The following TTC28 variants were observed in gnomAD, a reference collection of about 807,000 sequenced individuals.
The protein encoded by TTC28 is tetratricopeptide repeat domain 28.
TTC28 carries 61 observed loss-of-function variants against 198.0 expected under a neutral mutation model. The observed-to-expected ratio is 0.31, with a 90% confidence interval of 0.25 to 0.38. The LOEUF (loss-of-function observed/expected upper bound fraction) is 0.38. Among genes scored for constraint, TTC28 ranks in the 10% least tolerant of loss-of-function variants. TTC28 has a pLI of 1.00. For synonymous variants in TTC28, 1,171 were observed against 1,297.8 expected (o/e 0.90, Z 2.10); for missense variants, 2,678 against 3,164.0 (o/e 0.85, Z 3.69).
chr22:28,580,397 A>T (rs529504323), intron 2 of TTC28, among the ~76,000 whole-genome samples: 78 of 152,094 alleles, frequency 5.1e-4, no homozygotes, highest in Non-Finnish European at 9.6e-4. Flanking sequence ...TTTTAGTTGT[A>T]TTTTTTTAAA....
At chr22:28,034,766 G>A (rs1939268110) in intron 12 of TTC28, among the ~76,000 whole-genome samples, 1 of 152,222 alleles carries the variant, frequency 6.6e-6, no homozygotes, top group Non-Finnish European at 1.5e-5. Flanking sequence ...GAGGGGAGCT[G>A]GAGAGAGGGA....
intron 12 of TTC28, among the ~76,000 whole-genome samples, chr22:28,036,075 A>C (rs1601543124): frequency 6.6e-6 from 1 of 152,216 alleles, no homozygotes; most frequent in African/African-American, 2.4e-5. Flanking sequence ...GATATTAGAC[A>C]GATCAACGAG....
intron 1 of TTC28, among the ~76,000 whole-genome samples, chr22:28,672,546 C>T (rs1013294191): frequency 1.2e-4 from 18 of 152,080 alleles, no homozygotes; most frequent in Non-Finnish European, 2.6e-4. Context: ...ATGATCCACC[C>T]GTCTCGGCCT....
chr22:28,575,197 T>C (rs1410217336), intron 2 of TTC28, among the ~76,000 whole-genome samples: 1 of 152,206 alleles, frequency 6.6e-6, no homozygotes, highest in Non-Finnish European at 1.5e-5. Flanking sequence ...TTTGATTTGG[T>C]TTTTGTGGCA....
chr22:28,525,535 C>T (rs1185012410), intron 2 of TTC28, among the ~76,000 whole-genome samples: 1 of 152,106 alleles, frequency 6.6e-6, no homozygotes, highest in Non-Finnish European at 1.5e-5. Flanking sequence ...AACTAGATGA[C>T]TGAAATTAAG....
At chr22:28,115,488 A>G (rs1210443352) in intron 6 of TTC28, among the ~76,000 whole-genome samples, 1 of 152,218 alleles carries the variant, frequency 6.6e-6, no homozygotes, top group Non-Finnish European at 1.5e-5. Flanking sequence ...TGGCAAACCA[A>G]GCTCTTAGCA....
chr22:28,535,688 T>G (rs576862462), intron 2 of TTC28, among the ~76,000 whole-genome samples: 1 of 152,028 alleles, frequency 6.6e-6, no homozygotes, highest in Non-Finnish European at 1.5e-5. Flanking sequence ...GGGGATGGAC[T>G]TCCCCCTTGC....
At chr22:28,390,601 C>T (rs1334355013) in intron 2 of TTC28, among the ~76,000 whole-genome samples, 1 of 152,122 alleles carries the variant, frequency 6.6e-6, no homozygotes, top group East Asian at 1.9e-4. Context: ...TATGTAATGG[C>T]CTTCTTTGTC....
chr22:28,004,113 A>G (rs981842404), intron 14 of TTC28, among the ~76,000 whole-genome samples: 5 of 152,216 alleles, frequency 3.3e-5, no homozygotes, highest in African/African-American at 1.2e-4. Flanking sequence ...GGGAAAGCCT[A>G]CCCAGGCTGA....
chr22:28,396,786 C>T (rs1309440783), intron 2 of TTC28, among the ~76,000 whole-genome samples: 3 of 152,194 alleles, frequency 2.0e-5, no homozygotes, highest in Non-Finnish European at 2.9e-5. Context: ...ATTTCTCCAA[C>T]CAGACTAAAC....
intron 2 of TTC28, among the ~76,000 whole-genome samples, chr22:28,614,069 T>C (rs1490226188): frequency 6.6e-6 from 1 of 152,204 alleles, no homozygotes; most frequent in Non-Finnish European, 1.5e-5. Context: ...CATAATCTCC[T>C]TAAGCTGATA....
intron 2 of TTC28, among the ~76,000 whole-genome samples, chr22:28,359,837 G>A (rs2046131781): frequency 6.6e-6 from 1 of 152,096 alleles, no homozygotes; most frequent in Non-Finnish European, 1.5e-5. Flanking sequence ...ATACCATTTG[G>A]CCTGGGGATG....
chr22:28,539,234 G>A (rs1354664261), intron 2 of TTC28, among the ~76,000 whole-genome samples: 2 of 152,122 alleles, frequency 1.3e-5, no homozygotes, highest in African/African-American at 2.4e-5. Context: ...GGAAGGCGGG[G>A]GCTGACAGGC....
chr22:28,262,113 T>C (rs1555953293), intron 5 of TTC28, among the ~76,000 whole-genome samples: 1 of 152,042 alleles, frequency 6.6e-6, no homozygotes, highest in Non-Finnish European at 1.5e-5. Flanking sequence ...AGTGACATAA[T>C]AACAAAGAGA....
chr22:28,501,424 GA>G (rs1001103078), intron 2 of TTC28, among the ~76,000 whole-genome samples: 18 of 152,130 alleles, frequency 1.2e-4, no homozygotes, highest in Admixed American at 4.6e-4. Context: ...TTGATGTAGT[GA>G]AAAAAGAATT....
intron 2 of TTC28, among the ~76,000 whole-genome samples, chr22:28,528,264 T>C (rs1455055953): frequency 6.6e-6 from 1 of 152,226 alleles, no homozygotes; most frequent in African/African-American, 2.4e-5. Flanking sequence ...TTTATAATTA[T>C]GATGTAATAT....
At chr22:28,190,991 A>T (rs1281855336) in intron 5 of TTC28, among the ~76,000 whole-genome samples, 1 of 152,138 alleles carries the variant, frequency 6.6e-6, no homozygotes, top group Non-Finnish European at 1.5e-5. Context: ...ATGACTTCCC[A>T]GTGCATATGA....
chr22:28,308,764 A>G (rs1178236113), intron 2 of TTC28, among the ~76,000 whole-genome samples: 1 of 152,192 alleles, frequency 6.6e-6, no homozygotes, highest in South Asian at 2.1e-4. Context: ...CCTTTCTTCA[A>G]GAAAAGATTT....
chr22:27,982,181 A>G lies in TTC28; in HGVS notation c.*40T>C, dbSNP rs1245215340. ...GGGCTGAAGCAAACGCCAGGCCCCC[A>G]TCTGCAGGCTGCTCAGAGTCAGTGG... On this transcript the variant is annotated 3_prime_UTR_variant, in exon 23 of 23. Transcript: ENST00000397906. The surrounding 1 kb of genome is among the most constrained non-coding windows in gnomAD (Gnocchi z 5.2). 1 of 1,454,092 alleles carries G rather than the reference A, an allele frequency of 6.9e-7. No individual in the cohort carries two copies. The highest frequency in any genetic ancestry group is 2.9e-5 in the Admixed American group (1 of 35,006). 90.1% of individuals were successfully genotyped at this position (1,454,092 alleles called of 1,614,324 possible). A position where few individuals can be genotyped will look rare whatever the true frequency, so the allele number is the denominator to read the frequency against.
Sources: allele counts gnomAD v4.1 joint callset (sites outside exome capture counted in the v4.1 genomes callset), GRCh38; gene constraint gnomAD v4.1.1; non-coding constraint Gnocchi (gnomAD v3.1); transcripts MANE v1.5; gene names NCBI Gene and HGNC (gene_info 2026-07-23, HGNC 2026-07-21).